Variants in CUX2 observed in about 807,000 individuals in gnomAD.
CUX2 encodes cut like homeobox 2, also known as homeobox protein cut-like 2.
CUX2 carries 40 observed loss-of-function variants against 144.8 expected under a neutral mutation model. That is an observed-to-expected ratio of 0.28 (90% CI 0.21 to 0.36). The LOEUF is 0.36. Among genes scored for constraint, CUX2 ranks in the 10% least tolerant of loss-of-function variants. CUX2 has a pLI of 1.00. For synonymous variants in CUX2, 827 were observed against 875.6 expected, an observed-to-expected ratio of 0.94 and a Z score of 0.98; for missense variants, 1,615 against 1,994.0, an observed-to-expected ratio of 0.81 and a Z score of 3.62.
At chr12:111,316,382 A>G (rs1887193675) in intron 16 of CUX2, among the ~76,000 whole-genome samples, 1 of 144,612 alleles carries the variant, frequency 6.9e-6, no homozygotes, top group South Asian at 2.2e-4. Context: ...CTGACCTCAG[A>G]TGATCCGCCT....
chr12:111,303,479 T>C (rs1341753947), intron 9 of CUX2, among the ~76,000 whole-genome samples: 1 of 151,376 alleles, frequency 6.6e-6, no homozygotes, highest in Non-Finnish European at 1.5e-5. Flanking sequence ...CTACTAAAAA[T>C]ACAAAAAATA....
At chr12:111,122,742 C>A (rs1329983741) in intron 1 of CUX2, among the ~76,000 whole-genome samples, 1 of 152,070 alleles carries the variant, frequency 6.6e-6, no homozygotes, top group Non-Finnish European at 1.5e-5. Context: ...TAAATAATGT[C>A]CAGAGAGCAA....
At chr12:111,131,599 TC>T (rs1875484202) in intron 1 of CUX2, among the ~76,000 whole-genome samples, 1 of 152,136 alleles carries the variant, frequency 6.6e-6, no homozygotes, top group Non-Finnish European at 1.5e-5. Flanking sequence ...GCTAGTTACT[TC>T]CTAGATACAG....
chr12:111,242,392 T>G (rs2136261278), intron 3 of CUX2, among the ~76,000 whole-genome samples: 1 of 152,340 alleles, frequency 6.6e-6, no homozygotes, highest in Middle Eastern at 3.4e-3. Context: ...TTCACATATT[T>G]CCTGCAGCTG....
At chr12:111,120,671 G>GAA (rs112911297) in intron 1 of CUX2, among the ~76,000 whole-genome samples, 9 of 124,374 alleles carry the variant, frequency 7.2e-5, no homozygotes, top group African/African-American at 2.6e-4. Flanking sequence ...TAACCACAAG[G>GAA]AAAAAAAAAA....
At chr12:111,042,469 A>C (rs1869796863) in intron 1 of CUX2, among the ~76,000 whole-genome samples, 1 of 152,096 alleles carries the variant, frequency 6.6e-6, no homozygotes, top group Non-Finnish European at 1.5e-5. Flanking sequence ...CCCAAAGACT[A>C]CCTGGACTCT....
chr12:111,174,633 CTG>C (rs1408376735), intron 1 of CUX2, among the ~76,000 whole-genome samples: 2 of 152,192 alleles, frequency 1.3e-5, no homozygotes, highest in Non-Finnish European at 2.9e-5. Flanking sequence ...AGGGGGAAAA[CTG>C]AGATTCAGAA....
chr12:111,074,180 A>G (rs777989370), intron 1 of CUX2, among the ~76,000 whole-genome samples: 3 of 151,958 alleles, frequency 2.0e-5, no homozygotes, highest in Non-Finnish European at 4.4e-5. Flanking sequence ...ACTGCAGTGA[A>G]TAACATCCTG....
intron 1 of CUX2, among the ~76,000 whole-genome samples, chr12:111,085,214 CTG>C (rs1242537250): frequency 6.6e-6 from 1 of 152,174 alleles, no homozygotes; most frequent in Admixed American, 6.5e-5. Flanking sequence ...TGAGAGCTGA[CTG>C]TGTGTGTCTC....
At chr12:111,318,592 CTTT>C (rs111586172) in intron 16 of CUX2, among the ~76,000 whole-genome samples, 50 of 136,226 alleles carry the variant, frequency 3.7e-4, no homozygotes, top group African/African-American at 1.5e-3. Flanking sequence ...GACCACATCT[CTTT>C]TTTTAAAAAA....
At chr12:111,346,645 G>C (rs1417409528) in intron 21 of CUX2, among the ~76,000 whole-genome samples, 1 of 152,174 alleles carries the variant, frequency 6.6e-6, no homozygotes, top group East Asian at 1.9e-4. Context: ...TGAAGGTGCT[G>C]AGGAAACAGA....
At chr12:111,189,358 G>C (rs780047753) in intron 1 of CUX2, among the ~76,000 whole-genome samples, 9 of 152,164 alleles carry the variant, frequency 5.9e-5, no homozygotes, top group Non-Finnish European at 1.2e-4. Context: ...ACCCTACCCT[G>C]CCAGCAACAT....
intron 1 of CUX2, among the ~76,000 whole-genome samples, chr12:111,114,754 T>G (rs1451821916): frequency 6.6e-6 from 1 of 152,256 alleles, no homozygotes; most frequent in Non-Finnish European, 1.5e-5. Context: ...GCTCCAAAGA[T>G]ATTCTCCTAT....
At chr12:111,300,363 C>T (rs1886230791) in intron 9 of CUX2, among the ~76,000 whole-genome samples, 1 of 152,208 alleles carries the variant, frequency 6.6e-6, no homozygotes, top group Non-Finnish European at 1.5e-5. Flanking sequence ...TCAAGCAGTC[C>T]ACCCTCCTGG....
At chr12:111,230,437 C>T (rs1248627054) in intron 3 of CUX2, among the ~76,000 whole-genome samples, 2 of 152,166 alleles carry the variant, frequency 1.3e-5, no homozygotes, top group Non-Finnish European at 2.9e-5. Context: ...CATCCCCCAC[C>T]TCCATGTCCC....
At position 111,310,777 on chromosome 12, in the gene CUX2, C is replaced by T. The variant is rs1886858897; in HGVS notation, c.1900+95C>T. ...AGGACACGCGCTCTGGGTTCAAAGC[C>T]CAGCTCTACCACCACCTGGCTGTGT... On this transcript the variant is annotated intron_variant, in intron 15 of 21. Coordinates refer to ENST00000261726, the MANE Select transcript of CUX2 (RefSeq NM_015267.4). This position sits in a 1 kb window ranked among gnomAD's most constrained non-coding sequence, Gnocchi z 7.9. 1 of 1,363,894 alleles carries T rather than the reference C, an allele frequency of 7.3e-7. No homozygotes were observed. The highest frequency in any genetic ancestry group is 9.8e-7 in the Non-Finnish European group (1 of 1,023,284). 84.5% of individuals were successfully genotyped at this position (1,363,894 alleles called of 1,614,324 possible).
At chr12:111,319,460 C>T (rs1478505392) in intron 16 of CUX2, among the ~76,000 whole-genome samples, 2 of 151,426 alleles carry the variant, frequency 1.3e-5, no homozygotes, top group African/African-American at 2.4e-5. Flanking sequence ...CAGGTCAGGC[C>T]GGGCACTGTG....
intron 3 of CUX2, among the ~76,000 whole-genome samples, chr12:111,232,363 G>A (rs1882517082): frequency 6.6e-6 from 1 of 152,074 alleles, no homozygotes; most frequent in Non-Finnish European, 1.5e-5. Context: ...AATTAGCTGG[G>A]CGTGGTGGTG....
At chr12:111,291,981 G>A (rs774980325) in intron 5 of CUX2, among the ~76,000 whole-genome samples, 1 of 152,174 alleles carries the variant, frequency 6.6e-6, no homozygotes, top group Non-Finnish European at 1.5e-5. Flanking sequence ...GGCCAGTGAT[G>A]GCTGAGTGTC....
Sources: gnomAD v4.1 joint callset for allele counts (sites outside exome capture counted in the v4.1 genomes callset) on GRCh38, gnomAD v4.1.1 for gene constraint, Gnocchi (gnomAD v3.1) non-coding constraint, MANE v1.5 for transcripts, NCBI Gene and HGNC (gene_info 2026-07-23, HGNC 2026-07-21) for gene names.